Variants in MECOM observed in about 807,000 individuals in gnomAD.
The protein encoded by MECOM is histone-lysine N-methyltransferase MECOM.
Under a neutral mutation model 116.3 loss-of-function variants are expected in MECOM, and 13 were observed. That is an observed-to-expected ratio of 0.11 (90% CI 0.07 to 0.18). MECOM has a LOEUF of 0.18. Ranked by LOEUF, MECOM falls within the 10% of genes least tolerant of loss-of-function variation. The probability of loss-of-function intolerance (pLI) is 1.00; values close to 1 mark genes in which losing one functional copy is unlikely to be tolerated. For missense variants in MECOM, 1,299 were observed against 1,509.0 expected (o/e 0.86, Z 2.31); for synonymous variants, 528 against 535.2 (o/e 0.99, Z 0.19).
At chr3:169,381,929 CA>C (rs1365996113) in intron 1 of MECOM, among the ~76,000 whole-genome samples, 3 of 152,160 alleles carry the variant, frequency 2.0e-5, no homozygotes, top group African/African-American at 7.2e-5. Flanking sequence ...AAAGTTTTGT[CA>C]TGCAATGTTA....
intron 1 of MECOM, among the ~76,000 whole-genome samples, chr3:169,570,941 C>T (rs9875484): frequency 0.34 from 51,056 of 151,988 alleles, 8,883 homozygotes; most frequent in Middle Eastern, 0.44. Context: ...GACAAGGATG[C>T]CCTCTCTCAC....
At position 169,084,029 on chromosome 3, in the gene MECOM, A is replaced by G. The variant is rs1469091077; in HGVS notation, c.*880T>C. 1.3e-5 allele frequency: 3 copies of G among 230,726 alleles called. No individual in the cohort carries two copies. The Admixed American group carries it at 1.7e-4, about 13-fold the overall frequency. 14.3% of individuals were successfully genotyped at this position (230,726 alleles called of 1,614,324 possible). Reference sequence around the variant, plus strand: ...GGTCACCTTGGTCCTTGAAATTCGGAAAGGGGTGTGCCTCAGACGTCATAA... The same window carrying G: ...GGTCACCTTGGTCCTTGAAATTCGGGAAGGGGTGTGCCTCAGACGTCATAA... On this transcript the variant is annotated 3_prime_UTR_variant, in exon 17 of 17. Transcript: ENST00000651503.
chr3:169,552,532 TTCTC>T (rs767506331), intron 1 of MECOM, among the ~76,000 whole-genome samples: 38 of 152,328 alleles, frequency 2.5e-4, no homozygotes, highest in Non-Finnish European at 4.9e-4. Context: ...AGTACTATTC[TTCTC>T]TCTATTTAAT....
rs375967628 is a variant in MECOM at position 169,510,312 on chromosome 3, C to T, written c.38-128788G>A. On this transcript the variant is annotated intron_variant, in intron 1 of 16. Coordinates refer to ENST00000651503, the MANE Select transcript of MECOM (RefSeq NM_004991.4). ...TTTCTAATTTTCAGGCAGCACCTGT[C>T]ACCAGCAGTCTTGACTTTCACAGTT... Among the ~76,000 whole-genome samples, 21 of 152,302 alleles carry T rather than the reference C, an allele frequency of 1.4e-4. No homozygotes were observed. In the East Asian group the frequency reaches 4.1e-3, roughly 29 times the overall value.
chr3:169,484,055 A>T (rs1560337359), intron 1 of MECOM: 8 of 1,136,398 alleles, frequency 7.0e-6, no homozygotes, highest in Non-Finnish European at 9.1e-6. Flanking sequence ...TGGAAAGTAC[A>T]ACCTATAGCT....
At chr3:169,359,325 G>A (rs760858636) in intron 2 of MECOM, among the ~76,000 whole-genome samples, 2 of 151,760 alleles carry the variant, frequency 1.3e-5, no homozygotes, top group Non-Finnish European at 2.9e-5. Flanking sequence ...TTCTCAGTGA[G>A]ATTCATAACA....
intron 1 of MECOM, among the ~76,000 whole-genome samples, chr3:169,578,424 G>A (rs1764756193): frequency 6.6e-6 from 1 of 152,068 alleles, no homozygotes. Context: ...GTAGCTCTAA[G>A]CTTAAATGTG....
intron 1 of MECOM, among the ~76,000 whole-genome samples, chr3:169,503,127 A>C (rs1174789566): frequency 6.6e-6 from 1 of 152,198 alleles, no homozygotes; most frequent in Non-Finnish European, 1.5e-5. Context: ...TTTTAGAGAG[A>C]GTGAACTGGG....
At chr3:169,312,806 T>A (rs1187663115) in intron 2 of MECOM, among the ~76,000 whole-genome samples, 1 of 152,166 alleles carries the variant, frequency 6.6e-6, no homozygotes. Context: ...CTGTTAGTCA[T>A]CCATGTGGGG....
Position 169,381,366 on chromosome 3 carries a change from C to T in MECOM, c.196G>A (p.Ala66Thr), listed in dbSNP as rs1474588403. 2 of 1,613,870 alleles carry T rather than the reference C, an allele frequency of 1.2e-6. No individual in the cohort carries two copies. Among genetic ancestry groups the T allele is most frequent in the Admixed American group, 3.3e-5 (2 of 60,002 alleles). The change falls in exon 2 of 17, where the codon GCC (alanine) becomes ACC (threonine). Residue 66 changes from alanine to threonine, a missense_variant. Ala to Thr is a moderately conservative substitution (Grantham distance 58). Coordinates refer to ENST00000651503, the MANE Select transcript of MECOM (RefSeq NM_004991.4). ...ATATCATCAGGGATGTAGATGGGGG[C>T]TTTGTAAGGAGAACCCTCCTTTGGA... is the stretch of plus-strand genomic sequence containing the variant. ...FTPKEGSPYK[A>T]PIYIPDDIPI... is the part of the protein sequence containing the mutation.
chr3:169,189,321 C>T lies in MECOM; in HGVS notation c.376-45489G>A, dbSNP rs118155872. On this transcript the variant is annotated intron_variant, in intron 2 of 16. Transcript: ENST00000651503. ...AGGGAAATCCAGTATAATCACTGAA[C>T]GCTTTCCCTACAGCAGTATCAATAC... is the stretch of plus-strand genomic sequence containing the variant. Among the ~76,000 whole-genome samples, 61 of 152,026 alleles carry T rather than the reference C, an allele frequency of 4.0e-4. No homozygotes were observed. The East Asian group carries it at 9.9e-3, about 25-fold the overall frequency.
At chr3:169,347,383 G>T (rs1451316038) in intron 2 of MECOM, among the ~76,000 whole-genome samples, 1 of 151,846 alleles carries the variant, frequency 6.6e-6, no homozygotes, top group Admixed American at 6.6e-5. Context: ...GAAAGAAAAA[G>T]ATTTTTGTCC....
At chr3:169,398,167 T>C (rs1421853096) in intron 1 of MECOM, among the ~76,000 whole-genome samples, 1 of 152,240 alleles carries the variant, frequency 6.6e-6, no homozygotes, top group Non-Finnish European at 1.5e-5. Context: ...TATTTATTTA[T>C]ATTTAAACAA....
intron 9 of MECOM, among the ~76,000 whole-genome samples, chr3:169,109,109 C>G (rs1316765622): frequency 6.6e-6 from 1 of 152,132 alleles, no homozygotes; most frequent in Non-Finnish European, 1.5e-5. Flanking sequence ...AAAATAGGAA[C>G]AAACGAAATG....
At chr3:169,655,770 CATT>C (rs1055204733) in intron 1 of MECOM, among the ~76,000 whole-genome samples, 1 of 151,922 alleles carries the variant, frequency 6.6e-6, no homozygotes, top group Non-Finnish European at 1.5e-5. Context: ...TGGATAAAAA[CATT>C]AAACAGGAGG....
intron 1 of MECOM, among the ~76,000 whole-genome samples, chr3:169,513,885 T>G (rs1756294691): frequency 6.6e-6 from 1 of 152,192 alleles, no homozygotes; most frequent in Non-Finnish European, 1.5e-5. Context: ...GAAAAATAAC[T>G]GCCTGCTCTT....
At chr3:169,519,805 C>T (rs1757136190) in intron 1 of MECOM, among the ~76,000 whole-genome samples, 1 of 152,258 alleles carries the variant, frequency 6.6e-6, no homozygotes, top group Admixed American at 6.5e-5. Context: ...AGCATCCATT[C>T]TCCAATCTTC....
intron 1 of MECOM, among the ~76,000 whole-genome samples, chr3:169,608,958 G>A (rs753231432): frequency 1.3e-5 from 2 of 152,028 alleles, no homozygotes; most frequent in African/African-American, 2.4e-5. Flanking sequence ...TCTGAGACGC[G>A]TGATGGGATT....
At chr3:169,569,074 G>A (rs759800713) in intron 1 of MECOM, among the ~76,000 whole-genome samples, 24 of 152,012 alleles carry the variant, frequency 1.6e-4, no homozygotes, top group Middle Eastern at 6.8e-3. Context: ...AAGACCCATC[G>A]GTGTGCTGTG....
Sources: gnomAD v4.1 joint callset for allele counts (sites outside exome capture counted in the v4.1 genomes callset) on GRCh38, gnomAD v4.1.1 for gene constraint, MANE v1.5 for transcripts, NCBI Gene and HGNC (gene_info 2026-07-23, HGNC 2026-07-21) for gene names.